The following BIRC6 variants were observed in gnomAD, a reference collection of about 807,000 sequenced individuals.
BIRC6 encodes dual E2 ubiquitin-conjugating enzyme/E3 ubiquitin-protein ligase BIRC6.
BIRC6 carries 98 observed loss-of-function variants against 503.3 expected under a neutral mutation model. The observed-to-expected ratio is 0.19, with a 90% CI of 0.17 to 0.23. BIRC6 has a LOEUF of 0.23. Among genes scored for constraint, BIRC6 ranks in the 10% least tolerant of loss-of-function variants. The probability of loss-of-function intolerance (pLI) is 1.00; values close to 1 mark genes in which losing one functional copy is unlikely to be tolerated. For synonymous variants in BIRC6, 2,240 were observed against 2,078.7 expected, an observed-to-expected ratio of 1.08 and a Z score of -2.11; for missense variants, 5,360 against 5,806.0, an observed-to-expected ratio of 0.92 and a Z score of 2.50.
chr2:32,416,235 AGT>A, intron 10 of BIRC6, 72 bp downstream of exon 10: 1 of 1,402,542 alleles, frequency 7.1e-7, no homozygotes, highest in Non-Finnish European at 9.6e-7. Context: ...GTGCAAACCT[AGT>A]ATGAATTTTA....
chr2:32,430,536 T>C (rs1197903058), intron 11 of BIRC6, among the ~76,000 whole-genome samples: 1 of 152,194 alleles, frequency 6.6e-6, no homozygotes, highest in Admixed American at 6.5e-5. Flanking sequence ...GCTTGCACTT[T>C]AGTACCACTG....
At chr2:32,406,440 C>T in intron 8 of BIRC6, 59 bp from the exon 9 acceptor site, 6 of 1,286,560 alleles carry the variant, frequency 4.7e-6, no homozygotes, top group Admixed American at 1.9e-5. Flanking sequence ...TCTTTGCTTT[C>T]TCATATGATG....
chr2:32,435,653 G>T, intron 14 of BIRC6, 68 bp downstream of exon 14: 1 of 1,439,350 alleles, frequency 6.9e-7, no homozygotes. Flanking sequence ...CAACATGTCG[G>T]GCAAGATTTC....
chr2:32,557,026 C>T (rs2058834798), intron 65 of BIRC6, among the ~76,000 whole-genome samples: 2 of 152,060 alleles, frequency 1.3e-5, no homozygotes, highest in Admixed American at 6.6e-5. Context: ...TTGTATTACC[C>T]ACATTTATCA....
intron 3 of BIRC6, among the ~76,000 whole-genome samples, chr2:32,382,349 C>G (rs530003796): frequency 3.3e-5 from 5 of 152,314 alleles, no homozygotes; most frequent in African/African-American, 1.2e-4. Context: ...TCTCGGAATG[C>G]TAAAACAACC....
intron 23 of BIRC6, among the ~76,000 whole-genome samples, chr2:32,457,187 A>G (rs998461026): frequency 6.6e-6 from 1 of 151,952 alleles, no homozygotes; most frequent in East Asian, 1.9e-4. Context: ...TTTACTTTCA[A>G]CTTTTCAGTG....
chr2:32,540,863 A>T (rs956470166), intron 61 of BIRC6, among the ~76,000 whole-genome samples: 1 of 152,018 alleles, frequency 6.6e-6, no homozygotes, highest in Middle Eastern at 3.2e-3. Flanking sequence ...GTTAGCTATA[A>T]TGAAAAAAGT....
chr2:32,507,459 A>C lies in BIRC6; in HGVS notation c.9701-521A>C, dbSNP rs746665575. 4.6e-5 allele frequency among the ~76,000 whole-genome samples: 7 copies of C among 152,214 alleles called. No homozygotes were observed. In the South Asian group the frequency reaches 6.2e-4, roughly 13 times the overall value. On this transcript the variant is annotated intron_variant, in intron 50 of 73. Transcript: ENST00000421745. ...AGGAAAACAAAACAAAACAAACAAAAAAAAATTTCTAAACTCAGCTGTGAG... is the reference window on the plus strand; with the variant it reads ...AGGAAAACAAAACAAAACAAACAAACAAAAATTTCTAAACTCAGCTGTGAG...
intron 65 of BIRC6, chr2:32,565,435 C>G (rs934809015): frequency 3.9e-5 from 6 of 152,074 alleles, no homozygotes; most frequent in Non-Finnish European, 5.9e-5. Context: ...TTTTAAAATT[C>G]AAAAGCTTTA....
intron 69 of BIRC6, among the ~76,000 whole-genome samples, chr2:32,599,108 C>G (rs2061875025): frequency 6.7e-6 from 1 of 148,508 alleles, no homozygotes; most frequent in African/African-American, 2.5e-5. Context: ...GTAGGCAGAT[C>G]AGTTGAGATC....
At chr2:32,554,201 T>C (rs1468840654) in intron 65 of BIRC6, among the ~76,000 whole-genome samples, 1 of 152,214 alleles carries the variant, frequency 6.6e-6, no homozygotes, top group Non-Finnish European at 1.5e-5. Flanking sequence ...CATTAAATTA[T>C]TTGCCATTAA....
intron 65 of BIRC6, 89 bp from the exon 66 acceptor site, chr2:32,575,067 G>C: frequency 7.2e-7 from 1 of 1,387,786 alleles, no homozygotes; most frequent in Admixed American, 1.7e-5. Flanking sequence ...GTGGACCTTG[G>C]TAAGATCCAG....
intron 5 of BIRC6, among the ~76,000 whole-genome samples, chr2:32,392,626 T>G (rs924273222): frequency 6.6e-6 from 1 of 152,152 alleles, no homozygotes; most frequent in Non-Finnish European, 1.5e-5. Flanking sequence ...ACAATTATTT[T>G]TATTTTTTGT....
intron 24 of BIRC6, 143 bp from the exon 25 acceptor site, chr2:32,464,366 C>G: frequency 9.4e-7 from 1 of 1,066,730 alleles, no homozygotes; most frequent in Non-Finnish European, 1.3e-6. Flanking sequence ...CCATTTATAT[C>G]GAGTCCAGTT....
chr2:32,609,812 C>T (rs1277171603), intron 72 of BIRC6, among the ~76,000 whole-genome samples: 1 of 149,802 alleles, frequency 6.7e-6, no homozygotes, highest in Admixed American at 6.6e-5. Context: ...AGGATAAACA[C>T]AGGGAACTCA....
intron 6 of BIRC6, among the ~76,000 whole-genome samples, chr2:32,396,180 T>A (rs2039858888): frequency 6.6e-6 from 1 of 152,234 alleles, no homozygotes; most frequent in South Asian, 2.1e-4. Flanking sequence ...TTTTAAATCA[T>A]TTAATTCTCA....
intron 62 of BIRC6, among the ~76,000 whole-genome samples, chr2:32,545,039 C>T (rs1366877280): frequency 6.6e-6 from 1 of 151,588 alleles, no homozygotes; most frequent in Non-Finnish European, 1.5e-5. Flanking sequence ...AGGTGTAACC[C>T]TAAACAGAAA....
rs1248208601 is a variant in BIRC6 at position 32,597,816 on chromosome 2, A to G, written c.13678A>G (p.Met4560Val). The G allele has an allele frequency of 6.2e-7, 1 of 1,613,814 alleles. No individual in the cohort carries two copies. The highest frequency in any genetic ancestry group is 2.2e-5 in the East Asian group (1 of 44,870). ...GGGATTTAAAGTAAATTACCACTAC[A>G]TGTCTCAGGTGAAAAATGCTAATGA... ...KLGFKVNYHY[M>V]SQVKNANDAN... The change falls in exon 69 of 74, where the codon ATG becomes GTG. Residue 4560 changes from methionine (M) to valine (V), a missense_variant. Physicochemically the swap from Met to Val is conservative, Grantham distance 21. This residue lies in a region of BIRC6 where 477 missense variants were observed against 574.4 expected (regional missense o/e 0.83). Coordinates refer to ENST00000421745, the MANE Select transcript of BIRC6 (RefSeq NM_016252.4).
intron 66 of BIRC6, among the ~76,000 whole-genome samples, chr2:32,588,351 G>A (rs372232375): frequency 1.2e-4 from 18 of 152,046 alleles, no homozygotes; most frequent in African/African-American, 3.6e-4. Flanking sequence ...GTGAAACTCC[G>A]TCTCAATAAA....
Sources: gnomAD v4.1 joint callset for allele counts (sites outside exome capture counted in the v4.1 genomes callset) on GRCh38, gnomAD v4.1.1 for gene constraint, gnomAD v4.1.1 regional missense constraint, MANE v1.5 for transcripts, NCBI Gene and HGNC (gene_info 2026-07-23, HGNC 2026-07-21) for gene names.